DYNC1I1: variants seen among roughly 807,000 people sequenced by gnomAD.
DYNC1I1 encodes dynein cytoplasmic 1 intermediate chain 1.
A neutral mutation model predicts 86.6 loss-of-function variants in DYNC1I1; 43 were observed. The observed-to-expected ratio is 0.50, with a 90% CI of 0.39 to 0.64. The LOEUF is 0.64. DYNC1I1 is among the 30% of genes least tolerant of loss of function. The pLI is 0.00. For synonymous variants in DYNC1I1, 262 were observed against 283.7 expected (o/e 0.92, Z 0.77); for missense variants, 604 against 788.8 (o/e 0.77, Z 2.81).
chr7:96,108,952 A>G (rs1269926340), intron 16 of DYNC1I1, among the ~76,000 whole-genome samples: 1 of 151,662 alleles, frequency 6.6e-6, no homozygotes, highest in Non-Finnish European at 1.5e-5. Context: ...TGACTTTGGT[A>G]GGATATATCT....
At chr7:95,788,448 A>G (rs1306619943) in intron 1 of DYNC1I1, among the ~76,000 whole-genome samples, 1 of 152,164 alleles carries the variant, frequency 6.6e-6, no homozygotes, top group Non-Finnish European at 1.5e-5. Context: ...AGTGGGGAAG[A>G]TCAAAAGCTG....
intron 13 of DYNC1I1, among the ~76,000 whole-genome samples, chr7:96,036,970 A>AT (rs570128134): frequency 5.3e-5 from 8 of 151,966 alleles, no homozygotes; most frequent in Non-Finnish European, 7.4e-5. Flanking sequence ...TATTCCATTG[A>AT]TTTTTTTTCA....
intron 14 of DYNC1I1, among the ~76,000 whole-genome samples, chr7:96,061,653 G>GTCTCTCTCTCTCTTCC (rs1235538346): frequency 6.8e-6 from 1 of 146,428 alleles, no homozygotes; most frequent in Non-Finnish European, 1.5e-5. Flanking sequence ...TGGAAAAAGA[G>GTCTCTCTCTCTCTTCC]TCTCTCTCTC....
At chr7:95,788,731 GA>G (rs921164119) in intron 1 of DYNC1I1, among the ~76,000 whole-genome samples, 6 of 152,174 alleles carry the variant, frequency 3.9e-5, no homozygotes, top group Non-Finnish European at 8.8e-5. Context: ...TGGTGGTGGA[GA>G]AATAGCTTTT....
At chr7:95,783,272 A>G (rs372893812) in intron 1 of DYNC1I1, among the ~76,000 whole-genome samples, 8 of 152,230 alleles carry the variant, frequency 5.3e-5, no homozygotes, top group Non-Finnish European at 8.8e-5. Flanking sequence ...GAGCTTACAA[A>G]TATAAATTTT....
intron 10 of DYNC1I1, among the ~76,000 whole-genome samples, chr7:96,013,481 C>T (rs759096403): frequency 6.6e-6 from 1 of 151,790 alleles, no homozygotes; most frequent in Non-Finnish European, 1.5e-5. Context: ...TTGTTTGAGA[C>T]AGGGTCTTAC....
intron 6 of DYNC1I1, among the ~76,000 whole-genome samples, chr7:95,891,757 C>T (rs755996314): frequency 3.3e-5 from 5 of 152,114 alleles, no homozygotes; most frequent in African/African-American, 7.2e-5. Context: ...GGTCTGCTCA[C>T]TGTTTGCACA....
intron 6 of DYNC1I1, among the ~76,000 whole-genome samples, chr7:95,889,280 G>A (rs1041035424): frequency 1.3e-5 from 2 of 152,090 alleles, no homozygotes; most frequent in African/African-American, 4.8e-5. Context: ...GATTACTCAC[G>A]TTTTTAAAAG....
At chr7:95,976,006 C>T (rs193277963) in intron 6 of DYNC1I1, among the ~76,000 whole-genome samples, 2 of 152,208 alleles carry the variant, frequency 1.3e-5, no homozygotes, top group Non-Finnish European at 2.9e-5. Context: ...TGTTCACATA[C>T]GGATAAGGAC....
At chr7:95,984,776 C>G (rs1793542380) in intron 7 of DYNC1I1, 39 bp from the exon 8 acceptor site, 1 of 1,540,980 alleles carries the variant, frequency 6.5e-7, no homozygotes, top group African/African-American at 1.4e-5. Flanking sequence ...ACTTTTTCTT[C>G]CCTAACAATC....
chr7:96,097,832 G>A lies in DYNC1I1; in HGVS notation c.*239G>A. On this transcript the variant is annotated 3_prime_UTR_variant, in exon 17 of 17. Coordinates refer to ENST00000447467, the MANE Select transcript of DYNC1I1 (RefSeq NM_001135556.2). ...TTCTGTCTCAAAAATGAAGAGAAGG[G>A]GGTTATGGGTTAAGTTGCTGCCTTT... 2.4e-6 allele frequency: 3 copies of A among 1,234,700 alleles called. No individual in the cohort carries two copies. The highest frequency in any genetic ancestry group is 2.6e-5 in the South Asian group (1 of 38,746). The allele number at this position is 1,234,700 out of a possible 1,614,324, so 76.5% of individuals were successfully genotyped here. A position where few individuals can be genotyped will look rare whatever the true frequency, so the allele number is the denominator to read the frequency against.
intron 6 of DYNC1I1, 85 bp from the exon 7 acceptor site, chr7:95,977,427 C>A: frequency 7.9e-7 from 1 of 1,262,712 alleles, no homozygotes; most frequent in Non-Finnish European, 1.1e-6. Flanking sequence ...TGGAACTTTA[C>A]CCTTTACCCC....
chr7:96,063,865 C>A (rs1249798493), intron 14 of DYNC1I1, among the ~76,000 whole-genome samples: 1 of 152,152 alleles, frequency 6.6e-6, no homozygotes, highest in African/African-American at 2.4e-5. Context: ...AACCATAAGG[C>A]CTTTCACTAC....
At chr7:95,870,167 T>C (rs1310612181) in intron 6 of DYNC1I1, among the ~76,000 whole-genome samples, 169 bp downstream of exon 6, 2 of 152,208 alleles carry the variant, frequency 1.3e-5, no homozygotes, top group Non-Finnish European at 2.9e-5. Context: ...GAGAGGGAAC[T>C]CGGTGATACT....
intron 6 of DYNC1I1, among the ~76,000 whole-genome samples, chr7:95,931,171 A>C (rs994851911): frequency 6.6e-6 from 1 of 151,376 alleles, no homozygotes; most frequent in African/African-American, 2.4e-5. Flanking sequence ...TTGGAGACAG[A>C]GTCTCACTTT....
At chr7:95,859,834 C>T (rs911832928) in intron 5 of DYNC1I1, among the ~76,000 whole-genome samples, 2 of 152,186 alleles carry the variant, frequency 1.3e-5, no homozygotes, top group African/African-American at 4.8e-5. Context: ...TGAGGGCCTG[C>T]CTGGTGCTGG....
chr7:95,920,490 C>T (rs772711598), intron 6 of DYNC1I1, among the ~76,000 whole-genome samples: 6 of 152,114 alleles, frequency 3.9e-5, no homozygotes, highest in Non-Finnish European at 5.9e-5. Context: ...AGAATGGATT[C>T]TAGAGTGTCC....
At chr7:95,772,975 C>T (rs1354635789) in intron 1 of DYNC1I1, among the ~76,000 whole-genome samples, 1 of 152,178 alleles carries the variant, frequency 6.6e-6, no homozygotes, top group African/African-American at 2.4e-5. Context: ...CCCCCAGTGA[C>T]ACCCCCCTCT....
intron 5 of DYNC1I1, among the ~76,000 whole-genome samples, chr7:95,832,980 C>T (rs1788956890): frequency 6.6e-6 from 1 of 150,928 alleles, no homozygotes. Flanking sequence ...TTAATTAGAT[C>T]CCATTTGTCA....
Sources: gnomAD v4.1 joint callset for allele counts (sites outside exome capture counted in the v4.1 genomes callset) on GRCh38, gnomAD v4.1.1 for gene constraint, MANE v1.5 for transcripts, NCBI Gene and HGNC (gene_info 2026-07-23, HGNC 2026-07-21) for gene names.